SRBD1: variants seen among roughly 807,000 people sequenced by gnomAD.
SRBD1 encodes the protein S1 RNA-binding domain-containing protein 1.
In SRBD1, 88 loss-of-function variants were observed where a neutral mutation model predicts 115.3. The observed-to-expected ratio is 0.76, with a 90% CI of 0.64 to 0.91. The LOEUF is 0.91. Among genes scored for constraint, SRBD1 ranks in the 40% least tolerant of loss-of-function variants. SRBD1 has a pLI of 0.00. For missense variants in SRBD1, 1,385 were observed against 1,177.4 expected, an observed-to-expected ratio of 1.18 and a Z score of -2.58; for synonymous variants, 509 against 407.7, an observed-to-expected ratio of 1.25 and a Z score of -2.99.
chr2:45,550,155 T>C (rs1256093673), intron 12 of SRBD1, among the ~76,000 whole-genome samples: 1 of 152,074 alleles, frequency 6.6e-6, no homozygotes, highest in Non-Finnish European at 1.5e-5. Context: ...GTAGATGGTT[T>C]TAGTAACAAA....
intron 14 of SRBD1, among the ~76,000 whole-genome samples, chr2:45,523,688 T>A (rs1456451126): frequency 3.3e-5 from 5 of 150,334 alleles, no homozygotes; most frequent in Non-Finnish European, 7.4e-5. Flanking sequence ...GGATACTGAA[T>A]TTGTAATTAA....
chr2:45,440,545 G>C (rs1372537007), intron 16 of SRBD1, among the ~76,000 whole-genome samples: 1 of 152,150 alleles, frequency 6.6e-6, no homozygotes, highest in Non-Finnish European at 1.5e-5. Flanking sequence ...CTAAAACATA[G>C]TTCTGGCTCA....
At chr2:45,514,405 A>G (rs182476627) in intron 14 of SRBD1, among the ~76,000 whole-genome samples, 33 of 152,204 alleles carry the variant, frequency 2.2e-4, no homozygotes, top group Admixed American at 1.6e-3. Context: ...GTGTATGAGT[A>G]TGAACCTCAA....
At chr2:45,547,123 C>A (rs1405469438) in intron 13 of SRBD1, among the ~76,000 whole-genome samples, 18 of 152,078 alleles carry the variant, frequency 1.2e-4, no homozygotes, top group Non-Finnish European at 5.9e-5. Context: ...AGAGATAAGT[C>A]AACTCTGGAG....
intron 14 of SRBD1, among the ~76,000 whole-genome samples, chr2:45,496,995 G>C (rs1329444858): frequency 6.6e-6 from 1 of 152,176 alleles, no homozygotes; most frequent in Non-Finnish European, 1.5e-5. Flanking sequence ...TGAACAGATG[G>C]AGGGAAAGAA....
chr2:45,523,086 G>T (rs761221519), intron 14 of SRBD1, among the ~76,000 whole-genome samples: 1 of 151,568 alleles, frequency 6.6e-6, no homozygotes, highest in South Asian at 2.1e-4. Flanking sequence ...AATAATTAAT[G>T]AGTCAAAAAA....
chr2:45,453,124 G>C (rs563865214), intron 16 of SRBD1, among the ~76,000 whole-genome samples: 26 of 151,866 alleles, frequency 1.7e-4, no homozygotes, highest in Admixed American at 2.0e-4. Context: ...CCTCTGATGA[G>C]ATGCTTGGCA....
intron 15 of SRBD1, 30 bp from the exon 16 acceptor site, chr2:45,477,105 GACTTAA>G: frequency 6.3e-7 from 1 of 1,578,124 alleles, no homozygotes; most frequent in Non-Finnish European, 8.7e-7. Context: ...AAACAAGTAT[GACTTAA>G]TGTGAAAAGC....
intron 14 of SRBD1, among the ~76,000 whole-genome samples, chr2:45,497,814 A>G (rs2103883032): frequency 6.6e-6 from 1 of 152,198 alleles, no homozygotes; most frequent in South Asian, 2.1e-4. Flanking sequence ...AGGTGGGCAG[A>G]TCACGAGGTC....
At chr2:45,479,467 C>T (rs534300765) in intron 15 of SRBD1, among the ~76,000 whole-genome samples, 1 of 152,230 alleles carries the variant, frequency 6.6e-6, no homozygotes, top group South Asian at 2.1e-4. Context: ...CAGCTTTTTG[C>T]TGATATGGAG....
intron 15 of SRBD1, among the ~76,000 whole-genome samples, chr2:45,482,297 A>C (rs1669989214): frequency 6.6e-6 from 1 of 152,126 alleles, no homozygotes; most frequent in Non-Finnish European, 1.5e-5. Flanking sequence ...TTGAAATGAC[A>C]TTATTTATGT....
Position 45,602,068 on chromosome 2 carries a change from TTCA to T in SRBD1, c.93_95del (p.Glu33del). The T allele has an allele frequency of 6.2e-7, 1 of 1,613,534 alleles. No homozygotes were observed. The highest frequency in any genetic ancestry group is 8.5e-7 in the Non-Finnish European group (1 of 1,179,784). ...AGGCACTATCTTCCTTGTCATCTTC[TTCA>T]GAGGCAGATGATCTAGAAGTAAATC... On this transcript the variant is annotated inframe_deletion, in exon 3 of 21. Transcript: ENST00000263736.
In SRBD1 at chr2:45,487,533, C is replaced by T. The variant is rs571366701; in HGVS notation, c.1966+707G>A. On this transcript the variant is annotated intron_variant, in intron 15 of 20. Transcript: ENST00000263736. Reference sequence around the variant, plus strand: ...TGGCAATAAACTGAAAGTCTGTGTACTTTCATAAATTTGTATTACAAATAT... The same window carrying T: ...TGGCAATAAACTGAAAGTCTGTGTATTTTCATAAATTTGTATTACAAATAT... Among the ~76,000 whole-genome samples, 3 of 152,154 alleles carry T rather than the reference C, an allele frequency of 2.0e-5. 1 individual carries two copies. Among genetic ancestry groups the T allele is most frequent in the East Asian group, 1.9e-4 (1 of 5,180 alleles).
At chr2:45,489,193 C>T (rs1257023830) in intron 14 of SRBD1, among the ~76,000 whole-genome samples, 1 of 152,166 alleles carries the variant, frequency 6.6e-6, no homozygotes, top group African/African-American at 2.4e-5. Flanking sequence ...TCTAAGTATA[C>T]ACAATACATG....
At chr2:45,604,805 A>G (rs1674214844) in intron 2 of SRBD1, among the ~76,000 whole-genome samples, 2 of 152,152 alleles carry the variant, frequency 1.3e-5, no homozygotes, top group African/African-American at 4.8e-5. Flanking sequence ...ATTTTTCTTT[A>G]TAGTACTTAT....
intron 11 of SRBD1, among the ~76,000 whole-genome samples, chr2:45,552,293 A>C (rs1572766688): frequency 6.6e-6 from 1 of 152,350 alleles, no homozygotes; most frequent in East Asian, 1.9e-4. Context: ...GTATCTGTAG[A>C]TAATACCTGC....
At chr2:45,596,343 ACATTACAGAACG>A (rs1219435955) in intron 4 of SRBD1, among the ~76,000 whole-genome samples, 2 of 152,188 alleles carry the variant, frequency 1.3e-5, no homozygotes, top group African/African-American at 4.8e-5. Flanking sequence ...TATTTTAGTG[ACATTACAGAACG>A]CATTAGTGAA....
intron 11 of SRBD1, among the ~76,000 whole-genome samples, chr2:45,553,148 T>G (rs890660884): frequency 3.9e-5 from 6 of 152,142 alleles, no homozygotes; most frequent in African/African-American, 1.4e-4. Context: ...CCTCACCTCT[T>G]TTGCAGTTTT....
intron 4 of SRBD1, among the ~76,000 whole-genome samples, chr2:45,589,883 A>C (rs1490236734): frequency 2.6e-5 from 4 of 152,262 alleles, no homozygotes; most frequent in African/African-American, 9.6e-5. Flanking sequence ...ACAAGCTAAC[A>C]AAAGCAGACA....
Sources: allele counts gnomAD v4.1 joint callset (sites outside exome capture counted in the v4.1 genomes callset), GRCh38; gene constraint gnomAD v4.1.1; transcripts MANE v1.5; gene names NCBI Gene and HGNC (gene_info 2026-07-23, HGNC 2026-07-21).